The following CHST15 variants were observed in gnomAD, a reference collection of about 807,000 sequenced individuals.
CHST15 encodes carbohydrate sulfotransferase 15, also known as B cell RAG associated protein (GALNAC4S-6ST).
CHST15 carries 30 observed loss-of-function variants against 53.6 expected under a neutral mutation model. The observed-to-expected ratio is 0.56, with a 90% CI of 0.42 to 0.76. The LOEUF (loss-of-function observed/expected upper bound fraction) is 0.76, where lower values mean the gene tolerates loss of function less well. Among genes scored for constraint, CHST15 ranks in the 30% least tolerant of loss-of-function variants. The probability of loss-of-function intolerance (pLI) is 0.00; values close to 1 mark genes in which losing one functional copy is unlikely to be tolerated. For missense variants in CHST15, 627 were observed against 740.5 expected, an observed-to-expected ratio of 0.85 and a Z score of 1.78; for synonymous variants, 296 against 289.8, an observed-to-expected ratio of 1.02 and a Z score of -0.22.
chr10:124,088,525 G>A (rs897782710), intron 1 of CHST15, among the ~76,000 whole-genome samples: 1 of 152,150 alleles, frequency 6.6e-6, no homozygotes, highest in Non-Finnish European at 1.5e-5. Flanking sequence ...GATTCACGCC[G>A]CCTCCTCCTT....
In CHST15 at chr10:124,012,399, G is replaced by A. The variant is rs753436566; in HGVS notation, c.1429C>T (p.Arg477Cys). 17 of 1,613,966 alleles carry A rather than the reference G, an allele frequency of 1.1e-5. No homozygotes were observed. Among genetic ancestry groups the A allele is most frequent in the Admixed American group, 3.3e-5 (2 of 59,982 alleles). ...VFDKQQFLIL[R>C]LEDHASNVKY... Reference sequence around the variant, plus strand: ...ACGTTGGATGCATGATCTTCCAGGCGAAGAATGAGAAACTGTTGCTTGTCA... The same window carrying A: ...ACGTTGGATGCATGATCTTCCAGGCAAAGAATGAGAAACTGTTGCTTGTCA... The change falls in exon 7 of 8, where the codon CGC (arginine) becomes TGC (cysteine). Residue 477 changes from arginine (R) to cysteine (C), a missense_variant. By Grantham distance (180) the Arg-to-Cys change is radical. Coordinates refer to ENST00000435907, the MANE Select transcript of CHST15 (RefSeq NM_001270764.2).
chr10:124,044,149 A>T (rs1409724215), intron 3 of CHST15, among the ~76,000 whole-genome samples: 2 of 148,228 alleles, frequency 1.3e-5, no homozygotes, highest in Admixed American at 6.7e-5. Context: ...GGCACAGAGC[A>T]GGAAACGGCA....
At chr10:124,072,169 G>C (rs915787551) in intron 1 of CHST15, among the ~76,000 whole-genome samples, 1 of 152,186 alleles carries the variant, frequency 6.6e-6, no homozygotes, top group Non-Finnish European at 1.5e-5. Flanking sequence ...GCAATAACCC[G>C]GGCACAGGTT....
chr10:124,011,948 C>A (rs779907990), intron 7 of CHST15: 8 of 755,098 alleles, frequency 1.1e-5, no homozygotes, highest in African/African-American at 1.9e-5. Flanking sequence ...TTCCATGAAG[C>A]CTTCCTCATC....
chr10:124,044,236 TGG>T (rs992087271), intron 3 of CHST15, among the ~76,000 whole-genome samples: 1 of 150,610 alleles, frequency 6.6e-6, no homozygotes, highest in Non-Finnish European at 1.5e-5. Context: ...AGCACAGAGC[TGG>T]GAGCCAAGAG....
Position 124,021,237 on chromosome 10 carries a change from G to GGA in CHST15, c.1347+18_1347+19insTC. 1 of 77,768 alleles carries GGA rather than the reference G, an allele frequency of 1.3e-5. No individual in the cohort carries two copies. Among genetic ancestry groups the GGA allele is most frequent in the South Asian group, 3.3e-4 (1 of 3,018 alleles). 4.8% of individuals were successfully genotyped at this position (77,768 alleles called of 1,614,324 possible). A position where few individuals can be genotyped will look rare whatever the true frequency, so the allele number is the denominator to read the frequency against. Reference sequence around the variant, plus strand: ...TGCCAGGGGCCAGCTCGGGGGGTACGGGGGGGGGGGGTACACACAGGCATG... The same window carrying GGA: ...TGCCAGGGGCCAGCTCGGGGGGTACGGAGGGGGGGGGGGTACACACAGGCATG... On this transcript the variant is annotated intron_variant, in intron 6 of 7. Transcript: ENST00000435907.
In CHST15 at chr10:124,044,744, G is replaced by A. The variant is rs762415904; in HGVS notation, c.722C>T (p.Ala241Val). 6 of 1,613,130 alleles carry A rather than the reference G, an allele frequency of 3.7e-6. No homozygotes were observed. The highest frequency in any genetic ancestry group is 2.2e-5 in the East Asian group (1 of 44,822). Residue 241 changes from alanine to valine, a missense_variant, in exon 3 of 8, where the codon GCG (alanine) becomes GTG (valine). Around this residue, in one of 3 missense-constraint regions of CHST15, gnomAD observed 161 missense variants for 117.2 expected, o/e 1.37. Coordinates refer to ENST00000435907, the MANE Select transcript of CHST15 (RefSeq NM_001270764.2). The part of the protein sequence containing the change: ...ALRKAFWGHL[A>V]HAHGKHFRLR... ...GCGGAAGTGCTTCCCGTGCGCGTGC[G>A]CCAGGTGGCCCCAGAAGGCCTTGCG...
intron 1 of CHST15, among the ~76,000 whole-genome samples, chr10:124,049,548 T>C (rs879000779): frequency 4.6e-5 from 7 of 152,210 alleles, no homozygotes; most frequent in Admixed American, 3.9e-4. Flanking sequence ...GCCTTTGTAA[T>C]GGAACCGCCA....
chr10:124,008,164 T>C lies in CHST15; in HGVS notation c.*1985A>G, dbSNP rs907619260. The C allele has an allele frequency of 1.1e-4, 135 of 1,230,594 alleles. No homozygotes were observed. Among genetic ancestry groups the C allele is most frequent in the Non-Finnish European group, 1.3e-4 (132 of 987,608 alleles). 76.2% of individuals were successfully genotyped at this position (1,230,594 alleles called of 1,614,324 possible). The stretch of plus-strand genomic sequence containing the variant: ...CACATGTTATTCACATGCATAGGAG[T>C]GCATAAGAAAAATCCCTTGTTGTAA... On this transcript the variant is annotated 3_prime_UTR_variant, in exon 8 of 8. Transcript: ENST00000435907.
intron 1 of CHST15, among the ~76,000 whole-genome samples, chr10:124,070,012 G>T (rs1948862673): frequency 6.6e-6 from 1 of 152,178 alleles, no homozygotes; most frequent in South Asian, 2.1e-4. Flanking sequence ...TGCAGAAAAT[G>T]GTGATGTCCC....
Position 124,038,551 on chromosome 10 carries a change from G to A in CHST15, c.1154C>T (p.Ala385Val). 1 of 1,614,224 alleles carries A rather than the reference G, an allele frequency of 6.2e-7. No homozygotes were observed. Among genetic ancestry groups the A allele is most frequent in the Non-Finnish European group, 8.5e-7 (1 of 1,180,038 alleles). Residue 385 changes from alanine (A) to valine (V), a missense_variant, in exon 5 of 8, where the codon GCC becomes GTC. Physicochemically the swap from Ala to Val is moderately conservative, Grantham distance 64. Transcript: ENST00000435907. ...GTCCCTGAGCATGACAATCAGTCTG[G>A]CATTTGGCTGAAAGGCGTGGATGAA... ...QDFIHAFQPN[A>V]RLIVMLRDPV...
intron 5 of CHST15, among the ~76,000 whole-genome samples, chr10:124,029,770 G>A (rs561065239): frequency 1.1e-4 from 16 of 152,322 alleles, no homozygotes; most frequent in Middle Eastern, 3.4e-3. Context: ...ACACCGGGGC[G>A]GGGCCAGTAT....
rs576847405 is a variant in CHST15, at chr10:124,086,481, T to C, written c.-513+6988A>G. On this transcript the variant is annotated intron_variant, in intron 1 of 7. Coordinates refer to ENST00000435907, the MANE Select transcript of CHST15 (RefSeq NM_001270764.2). ...GACAGCCCAGCCCTGCCTTTCCCCA[T>C]GGTAAGGAGGCCCTTCGCCCTGCTG... 2.6e-5 allele frequency among the ~76,000 whole-genome samples: 4 copies of C among 152,312 alleles called. No individual in the cohort carries two copies. The East Asian group carries it at 7.7e-4, about 29-fold the overall frequency.
chr10:124,084,369 C>A (rs1444186150), intron 1 of CHST15, among the ~76,000 whole-genome samples: 1 of 152,172 alleles, frequency 6.6e-6, no homozygotes, highest in Non-Finnish European at 1.5e-5. Flanking sequence ...TGCAGGCCAG[C>A]TGACCTCCAT....
intron 4 of CHST15, 142 bp downstream of exon 4, chr10:124,042,159 G>T: frequency 1.4e-6 from 1 of 698,608 alleles, no homozygotes; most frequent in Non-Finnish European, 2.4e-6. Flanking sequence ...GTGACAGCCA[G>T]GTGGAGAAGT....
intron 6 of CHST15, among the ~76,000 whole-genome samples, chr10:124,016,270 A>G (rs4929831): frequency 0.67 from 101,336 of 151,962 alleles, 34,428 homozygotes; most frequent in East Asian, 0.92. Flanking sequence ...GCCGGGGCCC[A>G]GGGTGCCTTA....
chr10:124,091,908 G>A (rs1359129783), intron 1 of CHST15, among the ~76,000 whole-genome samples: 1 of 152,122 alleles, frequency 6.6e-6, no homozygotes, highest in Non-Finnish European at 1.5e-5. Flanking sequence ...CGCGCCGGCC[G>A]GCCCCGGGCG....
At chr10:124,028,279 C>T (rs979496781) in intron 5 of CHST15, among the ~76,000 whole-genome samples, 1 of 152,162 alleles carries the variant, frequency 6.6e-6, no homozygotes, top group Non-Finnish European at 1.5e-5. Context: ...CCTTGGTGAT[C>T]GCAATAGCTC....
At chr10:124,078,587 A>G (rs536115860) in intron 1 of CHST15, among the ~76,000 whole-genome samples, 10 of 152,152 alleles carry the variant, frequency 6.6e-5, no homozygotes, top group Non-Finnish European at 1.2e-4. Context: ...GAGACGATGC[A>G]CCCATAGAGC....
Sources: gnomAD v4.1 joint callset for allele counts (sites outside exome capture counted in the v4.1 genomes callset) on GRCh38, gnomAD v4.1.1 for gene constraint, gnomAD v4.1.1 regional missense constraint, MANE v1.5 for transcripts, NCBI Gene and HGNC (gene_info 2026-07-23, HGNC 2026-07-21) for gene names.